The following NEBL variants were observed in gnomAD, a reference collection of about 807,000 sequenced individuals.
The protein encoded by NEBL is LIM and SH3 protein 2.
A neutral mutation model predicts 140.2 loss-of-function variants in NEBL; 122 were observed. The observed-to-expected ratio is 0.87, with a 90% CI of 0.75 to 1.01. NEBL has a LOEUF of 1.01. NEBL is among the 50% of genes least tolerant of loss of function. NEBL has a pLI of 0.00. For synonymous variants in NEBL, 436 were observed against 398.9 expected (o/e 1.09, Z -1.11); for missense variants, 1,365 against 1,231.3 (o/e 1.11, Z -1.62).
At chr10:20,928,887 C>T (rs963916021) in intron 4 of NEBL, among the ~76,000 whole-genome samples, 1 of 152,182 alleles carries the variant, frequency 6.6e-6, no homozygotes, top group Non-Finnish European at 1.5e-5. Flanking sequence ...TAGACTACTT[C>T]CATCTTCAGT....
At chr10:20,954,813 G>T (rs1456925325) in intron 4 of NEBL, among the ~76,000 whole-genome samples, 1 of 152,156 alleles carries the variant, frequency 6.6e-6, no homozygotes, top group Non-Finnish European at 1.5e-5. Context: ...CTCCCATCTG[G>T]CTGTCTCAAT....
At chr10:21,019,010 G>A (rs954368089) in intron 3 of NEBL, among the ~76,000 whole-genome samples, 1 of 152,174 alleles carries the variant, frequency 6.6e-6, no homozygotes, top group African/African-American at 2.4e-5. Flanking sequence ...CTGGGCAACA[G>A]AGCAAGACTC....
At chr10:20,808,789 G>T (rs942064246) in intron 25 of NEBL, 130 bp from the exon 26 acceptor site, 1 of 981,682 alleles carries the variant, frequency 1.0e-6, no homozygotes, top group Non-Finnish European at 1.6e-6. Flanking sequence ...AAATCTCAGC[G>T]CTAGGCACCT....
At chr10:21,184,297 A>C (rs761085049) in intron 3 of NEBL, among the ~76,000 whole-genome samples, 44 of 152,192 alleles carry the variant, frequency 2.9e-4, no homozygotes, top group Non-Finnish European at 5.6e-4. Context: ...GGCAATCAAC[A>C]ACAGAAGTAA....
At chr10:20,817,203 C>CA (rs986677770) in intron 21 of NEBL, among the ~76,000 whole-genome samples, 2 of 152,008 alleles carry the variant, frequency 1.3e-5, no homozygotes, top group Admixed American at 6.6e-5. Flanking sequence ...CCCGTCTCTA[C>CA]AAAAAATACA....
At chr10:21,214,535 A>G (rs574608035) in intron 3 of NEBL, among the ~76,000 whole-genome samples, 47 of 151,840 alleles carry the variant, frequency 3.1e-4, no homozygotes, top group African/African-American at 1.1e-3. Context: ...TTACACACAC[A>G]TACACACATG....
chr10:20,785,590 G>A lies in NEBL; in HGVS notation c.*157C>T. ...AAATGCTGCTGTTTTCAGCCCAGAG[G>A]TCATTCCTTCTTCCTGGTACCTGTG... On this transcript the variant is annotated 3_prime_UTR_variant, in exon 28 of 28. Transcript: ENST00000377122. 1 of 856,936 alleles carries A rather than the reference G, an allele frequency of 1.2e-6. No homozygotes were observed. The highest frequency in any genetic ancestry group is 1.8e-6 in the Non-Finnish European group (1 of 541,168). The allele number at this position is 856,936 out of a possible 1,614,324, so 53.1% of individuals were successfully genotyped here. A position where few individuals can be genotyped will look rare whatever the true frequency, so the allele number is the denominator to read the frequency against.
chr10:21,215,571 A>G (rs957637155), intron 3 of NEBL, among the ~76,000 whole-genome samples: 1 of 152,248 alleles, frequency 6.6e-6, no homozygotes, highest in African/African-American at 2.4e-5. Flanking sequence ...CAAGTGCCAC[A>G]AAAGGCAAAG....
At chr10:21,115,842 G>T (rs1838258797) in intron 2 of NEBL, among the ~76,000 whole-genome samples, 2 of 151,516 alleles carry the variant, frequency 1.3e-5, no homozygotes, top group South Asian at 2.1e-4. Flanking sequence ...ATTTTTTAAG[G>T]TATGTTTCTT....
chr10:20,830,111 C>T (rs184879883), intron 16 of NEBL, among the ~76,000 whole-genome samples: 6 of 152,298 alleles, frequency 3.9e-5, no homozygotes, highest in South Asian at 2.1e-4. Context: ...GCGGCTGTGT[C>T]GGCTGCGGAG....
chr10:20,903,967 C>A (rs1847983310), intron 4 of NEBL, among the ~76,000 whole-genome samples: 1 of 146,790 alleles, frequency 6.8e-6, no homozygotes, highest in Non-Finnish European at 1.5e-5. Context: ...TGATAAAATT[C>A]ATCCATATAA....
chr10:20,869,594 G>C, intron 6 of NEBL, 146 bp downstream of exon 6: 1 of 679,582 alleles, frequency 1.5e-6, no homozygotes, highest in Non-Finnish European at 2.7e-6. Context: ...TAATAAAATA[G>C]ATAATTTAGG....
At chr10:21,244,338 G>A (rs1436303604) in intron 3 of NEBL, among the ~76,000 whole-genome samples, 4 of 129,654 alleles carry the variant, frequency 3.1e-5, no homozygotes, top group Middle Eastern at 3.8e-3. Context: ...GCTAAATTTT[G>A]TATTTTTTTT....
intron 10 of NEBL, among the ~76,000 whole-genome samples, chr10:20,851,449 G>A (rs1396687724): frequency 3.3e-5 from 5 of 151,878 alleles, no homozygotes; most frequent in East Asian, 1.9e-4. Flanking sequence ...ATAAAGTATC[G>A]GGAAGTATAA....
chr10:21,169,067 A>AATATATATAT (rs1176763018), intron 2 of NEBL, among the ~76,000 whole-genome samples: 506 of 22,776 alleles, frequency 0.022, 11 homozygotes, highest in Non-Finnish European at 0.028. Context: ...AAAAAAAAAA[A>AATATATATAT]ATATATATAT....
At chr10:20,842,903 C>A (rs1841530460) in intron 12 of NEBL, among the ~76,000 whole-genome samples, 1 of 152,056 alleles carries the variant, frequency 6.6e-6, no homozygotes, top group African/African-American at 2.4e-5. Context: ...CACCATTCTA[C>A]TTTCTGCTTC....
intron 9 of NEBL, among the ~76,000 whole-genome samples, chr10:20,854,224 G>A (rs1267699664): frequency 3.3e-5 from 5 of 152,120 alleles, no homozygotes; most frequent in African/African-American, 1.2e-4. Context: ...CAGTAAAAAT[G>A]GCAATAGAGT....
At chr10:21,275,569 T>C (rs116534549) in intron 1 of NEBL, among the ~76,000 whole-genome samples, 141 of 152,116 alleles carry the variant, frequency 9.3e-4, no homozygotes, top group African/African-American at 3.3e-3. Context: ...CTGCAAAACC[T>C]ACTTGCACCC....
At chr10:21,139,616 C>T (rs577338615) in intron 2 of NEBL, among the ~76,000 whole-genome samples, 1 of 152,252 alleles carries the variant, frequency 6.6e-6, no homozygotes, top group South Asian at 2.1e-4. Context: ...GGTTCCTCAA[C>T]CCCAAATCTC....
Sources: gnomAD v4.1 joint callset for allele counts (sites outside exome capture counted in the v4.1 genomes callset) on GRCh38, gnomAD v4.1.1 for gene constraint, MANE v1.5 for transcripts, NCBI Gene and HGNC (gene_info 2026-07-23, HGNC 2026-07-21) for gene names.